The following IL1RAPL2 variants were observed in gnomAD, a reference collection of about 807,000 sequenced individuals.
The protein encoded by IL1RAPL2 is X-linked interleukin-1 receptor accessory protein-like 2.
Under a neutral mutation model 44.1 loss-of-function variants are expected in IL1RAPL2, and 3 were observed. That is an observed-to-expected ratio of 0.07 (90% CI 0.03 to 0.18). IL1RAPL2 has a LOEUF of 0.18. Among genes scored for constraint, IL1RAPL2 ranks in the 10% least tolerant of loss-of-function variants. The pLI is 1.00. For synonymous variants in IL1RAPL2, 181 were observed against 178.8 expected (o/e 1.01, Z -0.10); for missense variants, 391 against 496.4 (o/e 0.79, Z 2.02).
intron 4 of IL1RAPL2, among the ~76,000 whole-genome samples, chrX:105,265,082 A>C (rs2034391491): frequency 8.9e-6 from 1 of 112,203 alleles, no homozygotes; most frequent in Non-Finnish European, 1.9e-5. Flanking sequence ...GAAAAAAAGC[A>C]AAACAGTGAG....
intron 2 of IL1RAPL2, among the ~76,000 whole-genome samples, chrX:104,907,857 T>A (rs1924071865): frequency 9.1e-6 from 1 of 110,183 alleles, no homozygotes; most frequent in African/African-American, 3.3e-5. Context: ...CTGGGTATCC[T>A]TGTTGACTTT....
At chrX:104,929,432 C>T (rs1405566069) in intron 2 of IL1RAPL2, among the ~76,000 whole-genome samples, 1 of 111,535 alleles carries the variant, frequency 9.0e-6, no homozygotes, top group Non-Finnish European at 1.9e-5. Context: ...CCAATTAGGC[C>T]CTCTCTAGCA....
chrX:104,957,753 G>A (rs1209511584), intron 2 of IL1RAPL2, among the ~76,000 whole-genome samples: 2 of 111,246 alleles, frequency 1.8e-5, no homozygotes, highest in African/African-American at 3.3e-5. Flanking sequence ...CAGGTCTATC[G>A]TCATTGGTGT....
rs1334256720 is a variant in IL1RAPL2 at position 104,667,851 on chromosome X, T to C, written c.82+8856T>C. Among the ~76,000 whole-genome samples, 21 of 111,492 alleles carry C rather than the reference T, an allele frequency of 1.9e-4. No individual in the cohort carries two copies. In the Admixed American group the frequency reaches 2.0e-3, roughly 11 times the overall value. The stretch of plus-strand genomic sequence containing the variant: ...TACAACTCTTATAAAAGGCATAATA[T>C]AATAAGAGTCATATAAGAGGCATGG... On this transcript the variant is annotated intron_variant, in intron 2 of 10. Coordinates refer to ENST00000372582, the MANE Select transcript of IL1RAPL2 (RefSeq NM_017416.2).
At chrX:104,948,049 G>C (rs1415847680) in intron 2 of IL1RAPL2, among the ~76,000 whole-genome samples, 1 of 110,407 alleles carries the variant, frequency 9.1e-6, no homozygotes, top group Non-Finnish European at 1.9e-5. Context: ...CTACCCATGA[G>C]CATGGAATAT....
At chrX:105,049,158 A>G in intron 2 of IL1RAPL2, among the ~76,000 whole-genome samples, 1 of 102,176 alleles carries the variant, frequency 9.8e-6, no homozygotes, top group East Asian at 3.0e-4. Context: ...CTTACTACTT[A>G]TGGTTTTTTT....
intron 1 of IL1RAPL2, among the ~76,000 whole-genome samples, chrX:104,628,043 ATATT>A (rs1018428963): frequency 4.5e-5 from 5 of 111,712 alleles, no homozygotes; most frequent in Non-Finnish European, 9.4e-5. Flanking sequence ...AAATAATTTT[ATATT>A]TATTTACTTT....
chrX:105,037,919 GA>G (rs1443321475), intron 2 of IL1RAPL2, among the ~76,000 whole-genome samples: 1 of 111,609 alleles, frequency 9.0e-6, no homozygotes, highest in African/African-American at 3.3e-5. Flanking sequence ...AGTAGGAGGG[GA>G]CACTCATTCC....
At chrX:105,106,910 T>C (rs1353483761) in intron 2 of IL1RAPL2, among the ~76,000 whole-genome samples, 1 of 112,057 alleles carries the variant, frequency 8.9e-6, no homozygotes, top group Non-Finnish European at 1.9e-5. Flanking sequence ...GGCCAAGCAG[T>C]GTGCTAGGCA....
intron 7 of IL1RAPL2, among the ~76,000 whole-genome samples, chrX:105,739,292 AG>A (rs1311720632): frequency 9.0e-6 from 1 of 110,967 alleles, no homozygotes; most frequent in Non-Finnish European, 1.9e-5. Flanking sequence ...TATTTATCAA[AG>A]CCTAGTGGCA....
chrX:105,740,506 A>G (rs771667735), intron 7 of IL1RAPL2, 40 bp from the exon 8 acceptor site: 12 of 1,192,587 alleles, frequency 1.0e-5, no homozygotes, highest in Admixed American at 4.4e-5. Flanking sequence ...TTTCTCCCCA[A>G]ATCAAGCCAA....
At chrX:105,359,427 A>G (rs2035231653) in intron 5 of IL1RAPL2, among the ~76,000 whole-genome samples, 1 of 111,748 alleles carries the variant, frequency 8.9e-6, no homozygotes, top group African/African-American at 3.3e-5. Context: ...GGGAATTTTC[A>G]TAATGTGGTA....
chrX:104,613,166 C>A (rs905103016), intron 1 of IL1RAPL2, among the ~76,000 whole-genome samples: 2 of 111,483 alleles, frequency 1.8e-5, no homozygotes, highest in Admixed American at 9.6e-5. Context: ...TCTTTTATAT[C>A]TTTCTCTTGT....
intron 2 of IL1RAPL2, among the ~76,000 whole-genome samples, chrX:104,928,663 A>G (rs940957655): frequency 7.2e-5 from 8 of 111,850 alleles, no homozygotes; most frequent in African/African-American, 2.6e-4. Flanking sequence ...AGCCACGGAA[A>G]TAAGCACTGG....
chrX:105,203,223 C>T (rs1409698543), intron 3 of IL1RAPL2, among the ~76,000 whole-genome samples: 1 of 112,089 alleles, frequency 8.9e-6, no homozygotes, highest in Admixed American at 9.5e-5. Context: ...TACCCAAGAA[C>T]ATCACCTGAG....
At chrX:105,491,410 G>A (rs1413373912) in intron 6 of IL1RAPL2, among the ~76,000 whole-genome samples, 1 of 111,357 alleles carries the variant, frequency 9.0e-6, no homozygotes, top group East Asian at 2.8e-4. Flanking sequence ...TATAATGGTG[G>A]AAGCAAGGGA....
intron 1 of IL1RAPL2, among the ~76,000 whole-genome samples, chrX:104,568,039 G>T (rs1007236384): frequency 7.1e-5 from 8 of 111,914 alleles, no homozygotes; most frequent in Non-Finnish European, 1.1e-4. Flanking sequence ...CTGCACAGAA[G>T]TATTGGAAAA....
intron 2 of IL1RAPL2, among the ~76,000 whole-genome samples, chrX:105,114,830 C>G (rs2032837456): frequency 8.9e-6 from 1 of 111,999 alleles, no homozygotes; most frequent in Admixed American, 9.4e-5. Flanking sequence ...AATTGCTCCT[C>G]CCCTATTCTT....
In IL1RAPL2 at chrX:105,160,251, G is replaced by A. The variant is rs1233396311; in HGVS notation, c.83-35224G>A. Among the ~76,000 whole-genome samples, 3 of 110,717 alleles carry A rather than the reference G, an allele frequency of 2.7e-5. 1 individual carries two copies. The highest frequency in any genetic ancestry group is 7.7e-4 in the South Asian group (2 of 2,594). On this transcript the variant is annotated intron_variant, in intron 2 of 10. Transcript: ENST00000372582. ...TGTGTGATTAAATCCCAGGTTTCTC[G>A]TGGATGATTCTGAGCTTGCCCATGC...
Sources: allele counts gnomAD v4.1 joint callset (sites outside exome capture counted in the v4.1 genomes callset), GRCh38; gene constraint gnomAD v4.1.1; transcripts MANE v1.5; gene names NCBI Gene and HGNC (gene_info 2026-07-23, HGNC 2026-07-21).